RORB: variants seen among roughly 807,000 people sequenced by gnomAD.
RORB encodes the protein RAR related orphan receptor B, also known as nuclear receptor ROR-beta.
Under a neutral mutation model 59.1 loss-of-function variants are expected in RORB, and 6 were observed. That is an observed-to-expected ratio of 0.10 (90% CI 0.06 to 0.20). The LOEUF is 0.20. Among genes scored for constraint, RORB ranks in the 10% least tolerant of loss-of-function variants. The pLI is 1.00. For synonymous variants in RORB, 215 were observed against 204.5 expected (o/e 1.05, Z -0.44); for missense variants, 320 against 560.5 (o/e 0.57, Z 4.33).
chr9:74,681,917 A>G (rs897795396), intron 9 of RORB, among the ~76,000 whole-genome samples: 13 of 152,162 alleles, frequency 8.5e-5, no homozygotes, highest in Admixed American at 4.6e-4. Flanking sequence ...TTGCTTTTTC[A>G]TTTCAATAAA....
intron 9 of RORB, among the ~76,000 whole-genome samples, chr9:74,672,389 A>G (rs1213633812): frequency 6.6e-6 from 1 of 152,194 alleles, no homozygotes; most frequent in Admixed American, 6.5e-5. Flanking sequence ...GTTCTAGTAG[A>G]TACTACCTAG....
chr9:74,642,281 T>G (rs747922040), intron 3 of RORB, 133 bp from the exon 4 acceptor site: 2 of 887,254 alleles, frequency 2.3e-6, no homozygotes, highest in Non-Finnish European at 3.5e-6. Flanking sequence ...AATGAATGGG[T>G]TCTTAAGTTA....
chr9:74,668,730 A>C (rs998369454), intron 8 of RORB, among the ~76,000 whole-genome samples: 1 of 152,194 alleles, frequency 6.6e-6, no homozygotes, highest in Non-Finnish European at 1.5e-5. Context: ...GGTCGTCTTC[A>C]TGCTGAGTAG....
At chr9:74,660,229 A>G (rs954963836) in intron 4 of RORB, among the ~76,000 whole-genome samples, 3 of 152,308 alleles carry the variant, frequency 2.0e-5, no homozygotes, top group Admixed American at 6.5e-5. Context: ...GAGATAAACA[A>G]TAGGGTTCTA....
chr9:74,595,488 A>G (rs1822956475), intron 1 of RORB, among the ~76,000 whole-genome samples: 1 of 152,206 alleles, frequency 6.6e-6, no homozygotes, highest in African/African-American at 2.4e-5. Flanking sequence ...ATTCTCAAGT[A>G]TTTAAGAAAC....
At chr9:74,606,284 C>G (rs577322719) in intron 1 of RORB, among the ~76,000 whole-genome samples, 69 of 152,310 alleles carry the variant, frequency 4.5e-4, no homozygotes, top group African/African-American at 1.7e-3. Context: ...GGTTGCCTCT[C>G]TGAATTTTCT....
intron 1 of RORB, among the ~76,000 whole-genome samples, chr9:74,585,842 T>G (rs974034047): frequency 1.4e-5 from 2 of 147,016 alleles, no homozygotes; most frequent in East Asian, 2.0e-4. Context: ...TCGCCCAGAC[T>G]GGAGTGCAGT....
At position 74,691,363 on chromosome 9, in the gene RORB, G is replaced by C. The variant is rs968137834; in HGVS notation, c.*5745G>C. 6.6e-6 allele frequency: 1 copy of C among 152,138 alleles called. No individual in the cohort carries two copies. Among genetic ancestry groups the C allele is most frequent in the Non-Finnish European group, 1.5e-5 (1 of 68,054 alleles). 9.4% of individuals were successfully genotyped at this position (152,138 alleles called of 1,614,324 possible). A position where few individuals can be genotyped will look rare whatever the true frequency, so the allele number is the denominator to read the frequency against. ...GCAGTAGTTGGTGGCAAGCATTCGC[G>C]TGCCTCTGTCACAACCATACGTAGA... On this transcript the variant is annotated 3_prime_UTR_variant, in exon 10 of 10. Coordinates refer to ENST00000376896, the MANE Select transcript of RORB (RefSeq NM_006914.4).
At chr9:74,647,260 G>C (rs1276304974) in intron 4 of RORB, among the ~76,000 whole-genome samples, 1 of 152,132 alleles carries the variant, frequency 6.6e-6, no homozygotes, top group Non-Finnish European at 1.5e-5. Context: ...TGCAGAAAAG[G>C]AAAGTAGAAC....
chr9:74,645,394 A>G lies in RORB; in HGVS notation c.637+2579A>G, dbSNP rs77512733. On this transcript the variant is annotated intron_variant, in intron 4 of 9. Coordinates refer to ENST00000376896, the MANE Select transcript of RORB (RefSeq NM_006914.4). ...CATCTGTGGTATAGTGTGGTGACTA[A>G]GAACTCTGCTTCTGGAGTCAAAGTG... 6.6e-3 allele frequency among the ~76,000 whole-genome samples: 1,005 copies of G among 152,274 alleles called. 11 individuals are homozygous for G. Among genetic ancestry groups the G allele is most frequent in the African/African-American group, 0.023 (965 of 41,544 alleles).
At chr9:74,657,380 G>C (rs17060398) in intron 4 of RORB, among the ~76,000 whole-genome samples, 1 of 151,978 alleles carries the variant, frequency 6.6e-6, no homozygotes, top group African/African-American at 2.4e-5. Flanking sequence ...TTGCTCTTTC[G>C]AAACCTCACT....
intron 9 of RORB, among the ~76,000 whole-genome samples, chr9:74,683,897 T>A (rs999516714): frequency 1.3e-5 from 2 of 152,236 alleles, no homozygotes; most frequent in African/African-American, 4.8e-5. Context: ...GCCAAGTGCC[T>A]GCTACATACT....
At chr9:74,662,046 T>G (rs1824193730) in intron 5 of RORB, among the ~76,000 whole-genome samples, 1 of 152,056 alleles carries the variant, frequency 6.6e-6, no homozygotes, top group Non-Finnish European at 1.5e-5. Flanking sequence ...CCCATGAAAA[T>G]GATGTCATGG....
chr9:74,566,237 C>T (rs535140817), intron 1 of RORB, among the ~76,000 whole-genome samples: 2 of 152,140 alleles, frequency 1.3e-5, no homozygotes, highest in African/African-American at 4.8e-5. Flanking sequence ...AAAGCTTTTA[C>T]AGCAATTCAT....
chr9:74,664,948 A>G (rs1014201776), intron 6 of RORB, among the ~76,000 whole-genome samples: 5 of 152,236 alleles, frequency 3.3e-5, no homozygotes, highest in Non-Finnish European at 7.3e-5. Flanking sequence ...AATTCATTCA[A>G]TAAATATTTG....
chr9:74,685,415 C>G (rs1390696677), intron 9 of RORB, 48 bp from the exon 10 acceptor site: 1 of 1,512,046 alleles, frequency 6.6e-7, no homozygotes, highest in Non-Finnish European at 9.0e-7. Flanking sequence ...AGACAGAGCA[C>G]TAATGAGCTT....
chr9:74,681,482 C>G (rs1192340149), intron 9 of RORB, among the ~76,000 whole-genome samples: 1 of 152,210 alleles, frequency 6.6e-6, no homozygotes, highest in African/African-American at 2.4e-5. Flanking sequence ...TGGGAGAGCT[C>G]TTCGCCTTCT....
intron 1 of RORB, among the ~76,000 whole-genome samples, chr9:74,539,084 G>A (rs10732705): frequency 0.97 from 146,993 of 152,268 alleles, 71,155 homozygotes; most frequent in East Asian, 1. Flanking sequence ...TTAAAAAGCT[G>A]AACTCAAGTT....
intron 1 of RORB, among the ~76,000 whole-genome samples, chr9:74,627,651 G>A (rs1042569274): frequency 2.6e-5 from 4 of 151,940 alleles, no homozygotes; most frequent in Admixed American, 6.6e-5. Context: ...TTCTCCCCAC[G>A]TGTAAGCTAC....
Sources: gnomAD v4.1 joint callset for allele counts (sites outside exome capture counted in the v4.1 genomes callset) on GRCh38, gnomAD v4.1.1 for gene constraint, MANE v1.5 for transcripts, NCBI Gene and HGNC (gene_info 2026-07-23, HGNC 2026-07-21) for gene names.